Variants in AK8 observed in about 807,000 individuals in gnomAD.
AK8 encodes adenylate kinase 8.
A neutral mutation model predicts 54.6 loss-of-function variants in AK8; 44 were observed. That is an observed-to-expected ratio of 0.81 (90% CI 0.63 to 1.04). AK8 has a LOEUF of 1.04. Among genes scored for constraint, AK8 ranks in the 50% least tolerant of loss-of-function variants. The probability of loss-of-function intolerance (pLI) is 0.00; values close to 1 mark genes in which losing one functional copy is unlikely to be tolerated. For missense variants in AK8, 555 were observed against 613.6 expected (o/e 0.90, Z 1.01); for synonymous variants, 239 against 245.6 (o/e 0.97, Z 0.25).
chr9:132,829,108 C>A (rs1371791565), intron 5 of AK8, among the ~76,000 whole-genome samples: 1 of 152,092 alleles, frequency 6.6e-6, no homozygotes, highest in Non-Finnish European at 1.5e-5. Flanking sequence ...AAGCATGTGC[C>A]ACCACACCCG....
chr9:132,738,652 C>T (rs1837226788), intron 11 of AK8, among the ~76,000 whole-genome samples: 2 of 151,486 alleles, frequency 1.3e-5, no homozygotes, highest in Admixed American at 6.6e-5. Flanking sequence ...GGCAACATCT[C>T]GTTTGAGGCA....
chr9:132,812,687 G>A (rs1841120019), intron 10 of AK8, among the ~76,000 whole-genome samples: 2 of 152,272 alleles, frequency 1.3e-5, no homozygotes, highest in South Asian at 4.1e-4. Flanking sequence ...CCTGCCACCC[G>A]GAAGCCTGGG....
intron 11 of AK8, among the ~76,000 whole-genome samples, chr9:132,775,239 T>C (rs975377080): frequency 1.5e-4 from 23 of 152,180 alleles, no homozygotes; most frequent in Non-Finnish European, 3.1e-4. Context: ...AAATGTTAAG[T>C]GGTAAATAAA....
chr9:132,826,495 A>G lies in AK8; in HGVS notation c.757+359T>C, dbSNP rs1432492287. On this transcript the variant is annotated intron_variant, in intron 8 of 12. Coordinates refer to ENST00000298545, the MANE Select transcript of AK8 (RefSeq NM_152572.3). The surrounding 1 kb of genome is among the most constrained non-coding windows in gnomAD (Gnocchi z 4.5). The stretch of plus-strand genomic sequence containing the variant: ...TTTGTTTTTGTCTTAATCTTTATAT[A>G]TTTTTTCTTTCCTCTCCCTCAAGGT... Among the ~76,000 whole-genome samples the G allele has an allele frequency of 6.6e-6, 1 of 151,816 alleles. No homozygotes were observed. Among genetic ancestry groups the G allele is most frequent in the Non-Finnish European group, 1.5e-5 (1 of 67,964 alleles).
chr9:132,843,656 C>A (rs1842628870), intron 5 of AK8, among the ~76,000 whole-genome samples: 1 of 152,072 alleles, frequency 6.6e-6, no homozygotes, highest in South Asian at 2.1e-4. Context: ...ACACACAGGG[C>A]TCCTGGAAGC....
chr9:132,788,275 A>C (rs1047769670), intron 11 of AK8, among the ~76,000 whole-genome samples: 1 of 152,170 alleles, frequency 6.6e-6, no homozygotes, highest in East Asian at 1.9e-4. Context: ...TCCTGGAAAA[A>C]CCACAAAATT....
intron 11 of AK8, among the ~76,000 whole-genome samples, chr9:132,785,123 T>C (rs1035516296): frequency 1.3e-5 from 2 of 150,608 alleles, no homozygotes; most frequent in African/African-American, 2.4e-5. Context: ...TTTTTTTTTT[T>C]AGATGGAGTC....
Position 132,799,864 on chromosome 9 carries a change from G to A in AK8, c.980-7089C>T, listed in dbSNP as rs1840360506. 6.6e-6 allele frequency among the ~76,000 whole-genome samples: 1 copy of A among 152,104 alleles called. No homozygotes were observed. Among genetic ancestry groups the A allele is most frequent in the Admixed American group, 6.5e-5 (1 of 15,276 alleles). ...GTCAAGATGAGCATCAGTGTTCATG[G>A]GGGAGGCTGGCATTTGCTTCTCTTT... On this transcript the variant is annotated intron_variant, in intron 10 of 12. Coordinates refer to ENST00000298545, the MANE Select transcript of AK8 (RefSeq NM_152572.3). The surrounding 1 kb of genome is among the most constrained non-coding windows in gnomAD (Gnocchi z 5.0).
rs542420120 is a variant in AK8, at chr9:132,875,486, G to C, written c.85-287C>G. ...AGGGCTCTCTCCCCTGGGGCCCTTT[G>C]AGCTTCCCAGACCAGCCTTCTCCAA... On this transcript the variant is annotated intron_variant, in intron 1 of 12. Transcript: ENST00000298545. Among the ~76,000 whole-genome samples, 4 of 152,282 alleles carry C rather than the reference G, an allele frequency of 2.6e-5. 1 individual carries two copies. In the South Asian group the frequency reaches 8.3e-4, roughly 32 times the overall value.
chr9:132,875,202 G>C lies in AK8; in HGVS notation c.85-3C>G. ...ATCAGGAGTTGCTCCAGCATGTTCT[G>C]TGGGTGCAGGGCAGACACCCAGGTG... On this transcript the variant is annotated splice_region_variant and splice_polypyrimidine_tract_variant and intron_variant, in intron 1 of 12. Transcript: ENST00000298545. 12 of 1,614,082 alleles carry C rather than the reference G, an allele frequency of 7.4e-6. No homozygotes were observed. The highest frequency in any genetic ancestry group is 1.0e-5 in the Non-Finnish European group (12 of 1,179,978).
rs552866576 is a variant in AK8, at chr9:132,749,672, A to C, written c.1122-22138T>G. 4.7e-5 allele frequency among the ~76,000 whole-genome samples: 7 copies of C among 149,848 alleles called. No homozygotes were observed. In the South Asian group the frequency reaches 1.5e-3, roughly 31 times the overall value. On this transcript the variant is annotated intron_variant, in intron 11 of 12. Coordinates refer to ENST00000298545, the MANE Select transcript of AK8 (RefSeq NM_152572.3). ...GGCTGTGTTGCTGTTTCCCAAATGC[A>C]GGAAGTCTCTTAAGTGCTTCATTTA...
At chr9:132,763,962 A>C (rs1303631011) in intron 11 of AK8, among the ~76,000 whole-genome samples, 1 of 152,246 alleles carries the variant, frequency 6.6e-6, no homozygotes, top group African/African-American at 2.4e-5. Flanking sequence ...CTAGAAAAGC[A>C]AAAACTAACC....
intron 11 of AK8, among the ~76,000 whole-genome samples, chr9:132,762,154 G>A (rs1488723889): frequency 2.0e-5 from 3 of 152,174 alleles, no homozygotes; most frequent in Non-Finnish European, 4.4e-5. Flanking sequence ...ACAGGAATGA[G>A]CCACTGCGCC....
intron 11 of AK8, among the ~76,000 whole-genome samples, chr9:132,778,696 C>T (rs1839331072): frequency 6.6e-6 from 1 of 152,080 alleles, no homozygotes; most frequent in Non-Finnish European, 1.5e-5. Context: ...GGAGCTCTGG[C>T]CTATAAACTA....
intron 10 of AK8, 113 bp downstream of exon 10, chr9:132,814,525 T>C: frequency 9.5e-7 from 1 of 1,057,686 alleles, no homozygotes; most frequent in Admixed American, 2.6e-5. Context: ...CCAATTTCCA[T>C]TTCCCGGCTG....
chr9:132,792,338 T>C (rs1712987771), intron 11 of AK8, among the ~76,000 whole-genome samples: 3 of 152,104 alleles, frequency 2.0e-5, no homozygotes, highest in African/African-American at 4.8e-5. Flanking sequence ...ACTGTAAAAA[T>C]AGTAGAAGAA....
chr9:132,854,210 A>C (rs1843084729), intron 5 of AK8, among the ~76,000 whole-genome samples: 1 of 152,214 alleles, frequency 6.6e-6, no homozygotes, highest in East Asian at 1.9e-4. Context: ...AAACGTATAT[A>C]TACACATACA....
chr9:132,735,554 T>C (rs377265514), intron 11 of AK8, among the ~76,000 whole-genome samples: 23 of 148,930 alleles, frequency 1.5e-4, no homozygotes, highest in Non-Finnish European at 2.5e-4. Flanking sequence ...ATTACACATT[T>C]AAAAAAAAAA....
At chr9:132,771,714 G>A (rs1838987687) in intron 11 of AK8, among the ~76,000 whole-genome samples, 1 of 152,202 alleles carries the variant, frequency 6.6e-6, no homozygotes, top group African/African-American at 2.4e-5. Context: ...TGAATGGCCA[G>A]GGCCATTGAC....
Sources: allele counts gnomAD v4.1 joint callset (sites outside exome capture counted in the v4.1 genomes callset), GRCh38; gene constraint gnomAD v4.1.1; non-coding constraint Gnocchi (gnomAD v3.1); transcripts MANE v1.5; gene names NCBI Gene and HGNC (gene_info 2026-07-23, HGNC 2026-07-21).